Variants in SPOP observed in about 807,000 individuals in gnomAD.
The protein encoded by SPOP is speckle-type POZ protein.
Under a neutral mutation model 45.6 loss-of-function variants are expected in SPOP, and 11 were observed. That is an observed-to-expected ratio of 0.24 (90% CI 0.15 to 0.40). SPOP has a LOEUF of 0.40. SPOP is among the 10% of genes least tolerant of loss of function. The pLI is 1.00. For missense variants in SPOP, 152 were observed against 465.6 expected, an observed-to-expected ratio of 0.33 and a Z score of 6.20; for synonymous variants, 166 against 166.3, an observed-to-expected ratio of 1.00 and a Z score of 0.01.
At chr17:49,671,716 A>G (rs570523502) in intron 1 of SPOP, among the ~76,000 whole-genome samples, 1 of 152,330 alleles carries the variant, frequency 6.6e-6, no homozygotes, top group African/African-American at 2.4e-5. Context: ...AGTAGAAATT[A>G]TAATTTAGGC....
At chr17:49,638,956 T>C (rs939339607) in intron 1 of SPOP, among the ~76,000 whole-genome samples, 5 of 152,166 alleles carry the variant, frequency 3.3e-5, no homozygotes, top group Non-Finnish European at 7.3e-5. Context: ...GCAGTTGTAG[T>C]GAGCAGAGAC....
intron 1 of SPOP, among the ~76,000 whole-genome samples, chr17:49,644,072 A>C (rs1026705505): frequency 1.3e-5 from 2 of 151,978 alleles, no homozygotes; most frequent in African/African-American, 4.8e-5. Context: ...CAAAATATTA[A>C]AATACAAAGC....
intron 6 of SPOP, among the ~76,000 whole-genome samples, chr17:49,608,324 G>A (rs1174402510): frequency 6.6e-6 from 1 of 152,106 alleles, no homozygotes; most frequent in Non-Finnish European, 1.5e-5. Flanking sequence ...CATACTTTCT[G>A]CACCTCCAGG....
At chr17:49,638,470 T>C (rs1314456619) in intron 1 of SPOP, among the ~76,000 whole-genome samples, 1 of 152,036 alleles carries the variant, frequency 6.6e-6, no homozygotes, top group African/African-American at 2.4e-5. Flanking sequence ...ACGCCTGTAG[T>C]CCCAGCTACT....
At chr17:49,675,565 A>G (rs2073188133) in intron 1 of SPOP, among the ~76,000 whole-genome samples, 1 of 152,224 alleles carries the variant, frequency 6.6e-6, no homozygotes, top group East Asian at 1.9e-4. Context: ...ATTTTGTTTC[A>G]TATGTATGTA....
At position 49,641,759 on chromosome 17, in the gene SPOP, C is replaced by T. The variant is rs367885431; in HGVS notation, c.-66-18883G>A. On this transcript the variant is annotated intron_variant, in intron 1 of 9. Coordinates refer to ENST00000504102, the MANE Select transcript of SPOP (RefSeq NM_001007228.2). ...AATAGTGGCCAGGCACGGTGGCTCA[C>T]GCCTAAAATCCCAGCGCTTTGGGAG... Among the ~76,000 whole-genome samples, 29 of 152,090 alleles carry T rather than the reference C, an allele frequency of 1.9e-4. No homozygotes were observed. In the East Asian group the frequency reaches 1.9e-3, roughly 10 times the overall value.
chr17:49,651,888 G>A lies in SPOP; in HGVS notation c.-67+26045C>T, dbSNP rs549365133. On this transcript the variant is annotated intron_variant, in intron 1 of 9. Transcript: ENST00000504102. Reference sequence around the variant, plus strand: ...ACAAAAATTAGCCAGGCGTGGTGGCGGGCGCCTGTAATCCCAGCTACTAGG... The same window carrying A: ...ACAAAAATTAGCCAGGCGTGGTGGCAGGCGCCTGTAATCCCAGCTACTAGG... Among the ~76,000 whole-genome samples the A allele has an allele frequency of 3.1e-3, 469 of 152,084 alleles. 3 individuals are homozygous for A. The highest frequency in any genetic ancestry group is 9.8e-3 in the African/African-American group (406 of 41,492).
intron 5 of SPOP, chr17:49,612,816 G>C (rs970028572): frequency 6.6e-6 from 1 of 152,200 alleles, no homozygotes; most frequent in African/African-American, 2.4e-5. Flanking sequence ...GTTCCTAACA[G>C]TAAGATGAGA....
chr17:49,601,080 C>T (rs2071731408), intron 9 of SPOP: 1 of 153,254 alleles, frequency 6.5e-6, no homozygotes, highest in South Asian at 2.0e-4. Context: ...CTTGATCACT[C>T]CTTAGAAAAT....
At chr17:49,631,831 C>G (rs1223350546) in intron 1 of SPOP, among the ~76,000 whole-genome samples, 1 of 152,222 alleles carries the variant, frequency 6.6e-6, no homozygotes, top group Admixed American at 6.5e-5. Context: ...GGTCTCCTAG[C>G]AAATGAAGTT....
Position 49,600,341 on chromosome 17 carries a change from T to G in SPOP, c.*37A>C. On this transcript the variant is annotated 3_prime_UTR_variant, in exon 10 of 10. Transcript: ENST00000504102. The surrounding 1 kb of genome is among the most constrained non-coding windows in gnomAD (Gnocchi z 4.2). ...AGTGGCAGCAACAGTGGCTGCTGCTTCTGGAAATTAAACGGAGTCTTACAA... is the reference window on the plus strand; with the variant it reads ...AGTGGCAGCAACAGTGGCTGCTGCTGCTGGAAATTAAACGGAGTCTTACAA... 1 of 1,611,684 alleles carries G rather than the reference T, an allele frequency of 6.2e-7. No homozygotes were observed. The highest frequency in any genetic ancestry group is 8.5e-7 in the Non-Finnish European group (1 of 1,178,846).
chr17:49,622,767 C>T lies in SPOP; in HGVS notation c.44G>A (p.Ser15Asn), dbSNP rs1033673807. Residue 15 changes from serine (S) to asparagine (N), a missense_variant, in exon 2 of 10, where the codon AGT becomes AAT. This residue lies in a region of SPOP where 18 missense variants were observed against 33.6 expected (regional missense o/e 0.54). Coordinates refer to ENST00000504102, the MANE Select transcript of SPOP (RefSeq NM_001007228.2). ...GCACCAACTCTCAGCTACGGGGCCA[C>T]TCGACATTTCTGCCGGAGGTGGAGG... ...PSPPPPAEMS[S>N]GPVAESWCYT... is the part of the protein sequence containing the mutation. The T allele has an allele frequency of 6.2e-6, 10 of 1,614,058 alleles. No individual in the cohort carries two copies. The African/African-American group carries it at 1.3e-4, about 22-fold the overall frequency.
intron 1 of SPOP, among the ~76,000 whole-genome samples, chr17:49,624,265 G>A (rs2072277128): frequency 6.6e-6 from 1 of 151,946 alleles, no homozygotes; most frequent in Admixed American, 6.6e-5. Flanking sequence ...TATAATGGAA[G>A]TTTGCCAGAA....
chr17:49,613,872 A>AT (rs1017686292), intron 5 of SPOP, among the ~76,000 whole-genome samples: 1 of 152,118 alleles, frequency 6.6e-6, no homozygotes, highest in Non-Finnish European at 1.5e-5. Context: ...AAAACTAAAG[A>AT]TTTTTTTTAA....
At chr17:49,655,806 C>T (rs954185316) in intron 1 of SPOP, among the ~76,000 whole-genome samples, 1 of 152,040 alleles carries the variant, frequency 6.6e-6, no homozygotes, top group Non-Finnish European at 1.5e-5. Flanking sequence ...AAATAATTTT[C>T]GAATGAAAAA....
chr17:49,664,797 G>A (rs953325234), intron 1 of SPOP, among the ~76,000 whole-genome samples: 59 of 152,166 alleles, frequency 3.9e-4, no homozygotes, highest in Non-Finnish European at 2.6e-4. Context: ...ATGCCTCATG[G>A]AGACTAAAGC....
chr17:49,621,911 G>C (rs1417167726), intron 3 of SPOP, 35 bp downstream of exon 3: 7 of 1,606,942 alleles, frequency 4.4e-6, no homozygotes, highest in Admixed American at 3.4e-5. Context: ...GACAACTTCA[G>C]AAAAATTTTT....
intron 1 of SPOP, among the ~76,000 whole-genome samples, chr17:49,659,398 T>G (rs1021614868): frequency 6.6e-6 from 1 of 152,166 alleles, no homozygotes; most frequent in African/African-American, 2.4e-5. Flanking sequence ...CAGCTTCGTA[T>G]CTGCTAATGG....
At chr17:49,627,100 T>C (rs901453862) in intron 1 of SPOP, among the ~76,000 whole-genome samples, 9 of 152,160 alleles carry the variant, frequency 5.9e-5, no homozygotes, top group African/African-American at 1.7e-4. Flanking sequence ...TTGCCCACCT[T>C]GGCCTCCCAA....
Sources: gnomAD v4.1 joint callset for allele counts (sites outside exome capture counted in the v4.1 genomes callset) on GRCh38, gnomAD v4.1.1 for gene constraint, gnomAD v4.1.1 regional missense constraint, Gnocchi (gnomAD v3.1) non-coding constraint, MANE v1.5 for transcripts, NCBI Gene and HGNC (gene_info 2026-07-23, HGNC 2026-07-21) for gene names.